SYT10: variants seen among roughly 807,000 people sequenced by gnomAD.
The protein encoded by SYT10 is synaptotagmin 10.
In SYT10, 31 loss-of-function variants were observed where a neutral mutation model predicts 51.1. The ratio of observed to expected loss-of-function variants is 0.61; its 90% CI spans 0.46 to 0.82. SYT10 has a LOEUF of 0.82. Among genes scored for constraint, SYT10 ranks in the 40% least tolerant of loss-of-function variants. The probability of loss-of-function intolerance (pLI) is 0.00; values close to 1 mark genes in which losing one functional copy is unlikely to be tolerated. For synonymous variants in SYT10, 233 were observed against 225.9 expected (o/e 1.03, Z -0.28); for missense variants, 603 against 634.0 (o/e 0.95, Z 0.53).
intron 3 of SYT10, among the ~76,000 whole-genome samples, chr12:33,386,423 G>A (rs1175645710): frequency 1.3e-5 from 2 of 151,954 alleles, no homozygotes; most frequent in Non-Finnish European, 1.5e-5. Flanking sequence ...CTTTCTGTGT[G>A]TGTGTGTGCA....
intron 3 of SYT10, among the ~76,000 whole-genome samples, chr12:33,401,444 A>G (rs1361629376): frequency 1.3e-5 from 2 of 152,200 alleles, no homozygotes; most frequent in Non-Finnish European, 2.9e-5. Flanking sequence ...GCACAGAATG[A>G]AGATTCACCT....
chr12:33,397,931 T>G (rs1040375101), intron 3 of SYT10, among the ~76,000 whole-genome samples: 1 of 151,764 alleles, frequency 6.6e-6, no homozygotes, highest in East Asian at 1.9e-4. Context: ...TGAGGTGAAA[T>G]TGATGCAGAG....
In SYT10 at chr12:33,406,859, T is replaced by C. The variant is rs764196418; in HGVS notation, c.1007A>G (p.Asp336Gly). ...GAGATCAGAGACTTCAAACAAATTA[T>C]CAAGAATCACTTCCCCAATCATGTC... ...RHDMIGEVIL[D>G]NLFEVSDLSR... is the part of the protein sequence containing the mutation. The change falls in exon 3 of 7, where the codon GAT (aspartate) becomes GGT (glycine). Residue 336 changes from aspartate to glycine, a missense_variant. Transcript: ENST00000228567. 1.2e-6 allele frequency: 2 copies of C among 1,614,032 alleles called. No individual in the cohort carries two copies. The highest frequency in any genetic ancestry group is 2.2e-5 in the East Asian group (1 of 44,856).
rs548250223 is a variant in SYT10 at position 33,395,069 on chromosome 12, C to A, written c.1078-9778G>T. On this transcript the variant is annotated intron_variant, in intron 3 of 6. Coordinates refer to ENST00000228567, the MANE Select transcript of SYT10 (RefSeq NM_198992.4). The stretch of plus-strand genomic sequence containing the variant: ...CGCCACTGCACTCCAGCCTGAGCGA[C>A]AGAGCGAGACTCCGTCTCAAAACAA... Among the ~76,000 whole-genome samples the A allele has an allele frequency of 3.1e-3, 478 of 152,336 alleles. 2 individuals carry two copies. Among genetic ancestry groups the A allele is most frequent in the African/African-American group, 0.011 (457 of 41,566 alleles).
intron 3 of SYT10, among the ~76,000 whole-genome samples, chr12:33,406,273 G>C (rs1053926034): frequency 6.6e-6 from 1 of 151,954 alleles, no homozygotes; most frequent in Non-Finnish European, 1.5e-5. Flanking sequence ...TTCATATATT[G>C]TAATTGTGTG....
chr12:33,377,492 C>A (rs1245721333), intron 6 of SYT10, among the ~76,000 whole-genome samples: 1 of 152,058 alleles, frequency 6.6e-6, no homozygotes, highest in Non-Finnish European at 1.5e-5. Flanking sequence ...ATGAGAACTG[C>A]GTTTGGCAGA....
At chr12:33,395,725 A>G (rs938863869) in intron 3 of SYT10, among the ~76,000 whole-genome samples, 11 of 152,224 alleles carry the variant, frequency 7.2e-5, no homozygotes, top group African/African-American at 2.7e-4. Flanking sequence ...CAGATTTGAC[A>G]GGATTATAAG....
intron 3 of SYT10, chr12:33,404,765 T>TATTTCTAACCAAACTGTAAAAG (rs1259116676): frequency 1.3e-5 from 2 of 152,174 alleles, no homozygotes; most frequent in African/African-American, 4.8e-5. Flanking sequence ...AACCAAACTG[T>TATTTCTAACCAAACTGTAAAAG]ATTTCTAACC....
intron 4 of SYT10, among the ~76,000 whole-genome samples, chr12:33,384,951 G>A (rs1482375572): frequency 6.6e-6 from 1 of 152,094 alleles, no homozygotes; most frequent in Non-Finnish European, 1.5e-5. Flanking sequence ...ACAGAAACAA[G>A]AACCCAAATT....
chr12:33,390,327 G>T (rs972981588), intron 3 of SYT10, among the ~76,000 whole-genome samples: 35 of 152,138 alleles, frequency 2.3e-4, no homozygotes, highest in African/African-American at 8.0e-4. Context: ...TCTAGTTGGG[G>T]ATTCATGAGG....
At chr12:33,385,129 T>C (rs1866146282) in intron 4 of SYT10, 42 bp downstream of exon 4, 6 of 1,599,212 alleles carry the variant, frequency 3.8e-6, no homozygotes, top group Non-Finnish European at 5.1e-6. Flanking sequence ...AAATATTTCA[T>C]TTGAGATTGT....
chr12:33,433,876 C>A (rs1382912899), intron 1 of SYT10, among the ~76,000 whole-genome samples: 1 of 152,168 alleles, frequency 6.6e-6, no homozygotes, highest in Non-Finnish European at 1.5e-5. Flanking sequence ...CCTATTCCTA[C>A]TCTTTGTTAA....
chr12:33,407,057 T>A lies in SYT10; in HGVS notation c.809A>T (p.Tyr270Phe), dbSNP rs1591990173. ...AKDFTGTSDP[Y>F]VKMYLLPDRK... ...ATCTGGAAGAAGATACATCTTCACA[T>A]AAGGGTCAGAAGTTCCTGTGAAGTC... is the stretch of plus-strand genomic sequence containing the variant. The change falls in exon 3 of 7, where the codon TAT becomes TTT. Residue 270 changes from tyrosine to phenylalanine, a missense_variant. Tyr to Phe is a conservative substitution (Grantham distance 22). Transcript: ENST00000228567. 1.2e-6 allele frequency: 2 copies of A among 1,614,206 alleles called. No homozygotes were observed. Among genetic ancestry groups the A allele is most frequent in the Non-Finnish European group, 1.7e-6 (2 of 1,180,030 alleles).
intron 2 of SYT10, among the ~76,000 whole-genome samples, chr12:33,410,966 T>C (rs1231224030): frequency 1.3e-5 from 2 of 152,222 alleles, no homozygotes; most frequent in Admixed American, 1.3e-4. Context: ...GTATAAATTC[T>C]TTATCAATTC....
chr12:33,401,549 T>C (rs527384106), intron 3 of SYT10, among the ~76,000 whole-genome samples: 3 of 152,294 alleles, frequency 2.0e-5, no homozygotes, highest in South Asian at 2.1e-4. Context: ...AATGAAATCA[T>C]AAATACAAAA....
At chr12:33,407,513 G>GA (rs1049499958) in intron 2 of SYT10, among the ~76,000 whole-genome samples, 157 bp from the exon 3 acceptor site, 2 of 152,008 alleles carry the variant, frequency 1.3e-5, no homozygotes, top group Admixed American at 1.3e-4. Flanking sequence ...AGGTACTTTT[G>GA]AAAAAATAAA....
At chr12:33,398,001 T>C (rs1416903413) in intron 3 of SYT10, among the ~76,000 whole-genome samples, 1 of 151,740 alleles carries the variant, frequency 6.6e-6, no homozygotes, top group East Asian at 1.9e-4. Flanking sequence ...TGCCAGTTCA[T>C]AAAGAATAGG....
At chr12:33,434,541 C>A (rs1278186106) in intron 1 of SYT10, among the ~76,000 whole-genome samples, 1 of 152,182 alleles carries the variant, frequency 6.6e-6, no homozygotes, top group Non-Finnish European at 1.5e-5. Flanking sequence ...CAGTAGCTCA[C>A]GCCTGTAATC....
At chr12:33,388,112 C>A (rs1905420) in intron 3 of SYT10, among the ~76,000 whole-genome samples, 1 of 151,614 alleles carries the variant, frequency 6.6e-6, no homozygotes. Flanking sequence ...TACAAAGGTA[C>A]AAAACTGCTA....
Sources: gnomAD v4.1 joint callset for allele counts (sites outside exome capture counted in the v4.1 genomes callset) on GRCh38, gnomAD v4.1.1 for gene constraint, MANE v1.5 for transcripts, NCBI Gene and HGNC (gene_info 2026-07-23, HGNC 2026-07-21) for gene names.